Variants in RPGRIP1 observed in about 807,000 individuals in gnomAD.
RPGRIP1 encodes the protein RPGR interacting protein 1.
Under a neutral mutation model 157.9 loss-of-function variants are expected in RPGRIP1, and 128 were observed. The ratio of observed to expected loss-of-function variants is 0.81; its 90% CI spans 0.70 to 0.94. The LOEUF is 0.94. RPGRIP1 is among the 40% of genes least tolerant of loss of function. RPGRIP1 has a pLI of 0.00. For synonymous variants in RPGRIP1, 554 were observed against 571.6 expected (o/e 0.97, Z 0.44); for missense variants, 1,486 against 1,545.8 (o/e 0.96, Z 0.65).
intron 5 of RPGRIP1, chr14:21,303,043 T>C: frequency 3.4e-6 from 1 of 293,638 alleles, no homozygotes; most frequent in Non-Finnish European, 6.5e-6. Flanking sequence ...CTAATTTTTG[T>C]ATTTTTAGTG....
rs528841980 is a variant in RPGRIP1, at chr14:21,334,341, CCTTCCTTCCTGT to C, written c.3239-253_3239-242del. Among the ~76,000 whole-genome samples, 443 of 152,212 alleles carry C rather than the reference CCTTCCTTCCTGT, an allele frequency of 2.9e-3. 3 individuals carry two copies. Among genetic ancestry groups the C allele is most frequent in the African/African-American group, 8.4e-3 (349 of 41,524 alleles). On this transcript the variant is annotated intron_variant, in intron 20 of 24. Transcript: ENST00000400017. ...TCCTTTCTTCCTTCCTTACTCTCAC[CCTTCCTTCCTGT>C]CTTCCTTCCTTTCTTCCTTTCTGTT...
intron 24 of RPGRIP1, among the ~76,000 whole-genome samples, chr14:21,348,583 T>G (rs1296651132): frequency 6.6e-6 from 1 of 152,100 alleles, no homozygotes; most frequent in Non-Finnish European, 1.5e-5. Flanking sequence ...TTCAAATTTA[T>G]ACATCAGAAT....
At chr14:21,309,134 G>A (rs766633087) in intron 7 of RPGRIP1, among the ~76,000 whole-genome samples, 9 of 152,210 alleles carry the variant, frequency 5.9e-5, no homozygotes, top group East Asian at 1.9e-4. Flanking sequence ...TGCTTTAAAG[G>A]ACGAGAAAAC....
chr14:21,294,716 A>G lies in RPGRIP1; in HGVS notation c.125A>G (p.Asn42Ser). ...MKTQPPLSRM[N>S]REELEDSFFR... Reference sequence around the variant, plus strand: ...ACTCAACCACCCTTGAGCAGGATGAACCGGGAGGAATTGGAGGACAGTTTC... The same window carrying G: ...ACTCAACCACCCTTGAGCAGGATGAGCCGGGAGGAATTGGAGGACAGTTTC... Residue 42 changes from asparagine to serine, a missense_variant, in exon 3 of 25, where the codon AAC (asparagine) becomes AGC (serine). Asn to Ser is a conservative substitution (Grantham distance 46). Coordinates refer to ENST00000400017, the MANE Select transcript of RPGRIP1 (RefSeq NM_020366.4). 1 of 1,613,652 alleles carries G rather than the reference A, an allele frequency of 6.2e-7. No homozygotes were observed. The highest frequency in any genetic ancestry group is 8.5e-7 in the Non-Finnish European group (1 of 1,179,726).
intron 13 of RPGRIP1, 91 bp downstream of exon 13, chr14:21,321,493 A>C: frequency 6.6e-7 from 1 of 1,524,010 alleles, no homozygotes; most frequent in Non-Finnish European, 8.8e-7. Flanking sequence ...CTAAGTTTCC[A>C]GGGCTGATAC....
intron 2 of RPGRIP1, among the ~76,000 whole-genome samples, chr14:21,290,398 G>A (rs1880473360): frequency 6.6e-6 from 1 of 152,130 alleles, no homozygotes; most frequent in East Asian, 1.9e-4. Flanking sequence ...TCTTGGCTGG[G>A]CAAAGTGGTT....
At chr14:21,303,227 A>G in intron 5 of RPGRIP1, 104 bp from the exon 6 acceptor site, 1 of 759,084 alleles carries the variant, frequency 1.3e-6, no homozygotes, top group Non-Finnish European at 2.1e-6. Context: ...ATTTTCCTCG[A>G]CATGTACCAA....
chr14:21,280,651 C>T (rs1004382921), intron 1 of RPGRIP1, among the ~76,000 whole-genome samples: 3 of 152,154 alleles, frequency 2.0e-5, no homozygotes, highest in African/African-American at 7.2e-5. Flanking sequence ...TCACGTCCAA[C>T]CAGTTGTCAC....
At chr14:21,308,287 T>G (rs1594180575) in intron 7 of RPGRIP1, among the ~76,000 whole-genome samples, 1 of 152,208 alleles carries the variant, frequency 6.6e-6, no homozygotes, top group East Asian at 1.9e-4. Flanking sequence ...GTAAGTATAT[T>G]TAGCATTAGC....
In RPGRIP1 at chr14:21,288,107, C is replaced by T. The variant is rs1294291958; in HGVS notation, c.85+46C>T. On this transcript the variant is annotated intron_variant, in intron 2 of 24. Transcript: ENST00000400017. Reference sequence around the variant, plus strand: ...TGGACACCTTTTAGAATTAAAAGAACTCTCACTGTGGAACATCTTGCTGGC... The same window carrying T: ...TGGACACCTTTTAGAATTAAAAGAATTCTCACTGTGGAACATCTTGCTGGC... 3 of 1,226,400 alleles carry T rather than the reference C, an allele frequency of 2.4e-6. No homozygotes were observed. In the African/African-American group the frequency reaches 4.5e-5, roughly 18 times the overall value. The allele number at this position is 1,226,400 out of a possible 1,614,324, so 76.0% of individuals were successfully genotyped here. A position where few individuals can be genotyped will look rare whatever the true frequency, so the allele number is the denominator to read the frequency against.
intron 21 of RPGRIP1, among the ~76,000 whole-genome samples, chr14:21,338,831 A>G (rs1369266486): frequency 6.6e-6 from 1 of 152,222 alleles, no homozygotes; most frequent in Non-Finnish European, 1.5e-5. Flanking sequence ...TTATTGTCCC[A>G]GGATTATTAG....
chr14:21,287,917 C>A, intron 1 of RPGRIP1, 22 bp from the exon 2 acceptor site: 6 of 1,147,856 alleles, frequency 5.2e-6, no homozygotes, highest in Non-Finnish European at 7.8e-6. Flanking sequence ...ATGTAACTGA[C>A]TGGACTTTTC....
At chr14:21,340,344 C>T (rs1036066399) in intron 21 of RPGRIP1, among the ~76,000 whole-genome samples, 2 of 152,146 alleles carry the variant, frequency 1.3e-5, no homozygotes, top group African/African-American at 4.8e-5. Flanking sequence ...TTGTGCCAGG[C>T]ACTAGATACT....
rs753463994 is a variant in RPGRIP1, at chr14:21,325,845, T to C, written c.2382T>C (p.Ser794=). 7.4e-6 allele frequency: 12 copies of C among 1,612,790 alleles called. No individual in the cohort carries two copies. In the East Asian group the frequency reaches 2.7e-4, roughly 36 times the overall value. ...KAQEEEFRSE[S]WEPQNELWIE... is the part of the protein sequence containing the mutation. ...CATCTTTCCAGTTCAGATCGGAGTC[T>C]TGGGAACCTCAGAACGAGCTGTGGA... The change falls in exon 17 of 25, where the codon TCT becomes TCC. Residue 794 remains serine, a synonymous_variant. Coordinates refer to ENST00000400017, the MANE Select transcript of RPGRIP1 (RefSeq NM_020366.4).
intron 22 of RPGRIP1, among the ~76,000 whole-genome samples, chr14:21,344,673 C>T (rs1885378370): frequency 6.6e-6 from 1 of 152,078 alleles, no homozygotes; most frequent in Admixed American, 6.6e-5. Flanking sequence ...AGCCTGGGTG[C>T]AGTGGCTCAT....
At position 21,320,167 on chromosome 14, in the gene RPGRIP1, C is replaced by T. The variant is rs1882245032; in HGVS notation, c.1457C>T (p.Thr486Ile). 6.2e-7 allele frequency: 1 copy of T among 1,613,852 alleles called. No homozygotes were observed. Among genetic ancestry groups the T allele is most frequent in the Admixed American group, 1.7e-5 (1 of 59,972 alleles). Reference sequence around the variant, plus strand: ...CACCCAGCTGTATTGCAAGAGAACACTCAGATCGAGGTAAGAGCCTCTTTA... The same window carrying T: ...CACCCAGCTGTATTGCAAGAGAACATTCAGATCGAGGTAAGAGCCTCTTTA... ...ATHPAVLQEN[T>I]QIEPSEPKNQ... The change falls in exon 12 of 25, where the codon ACT (threonine) becomes ATT (isoleucine). Residue 486 changes from threonine (T) to isoleucine (I), a missense_variant. By Grantham distance (89) the Thr-to-Ile change is moderately conservative. Coordinates refer to ENST00000400017, the MANE Select transcript of RPGRIP1 (RefSeq NM_020366.4).
intron 23 of RPGRIP1, among the ~76,000 whole-genome samples, chr14:21,345,647 T>C (rs1885489328): frequency 6.6e-6 from 1 of 152,130 alleles, no homozygotes; most frequent in Non-Finnish European, 1.5e-5. Context: ...TCAAGCGATC[T>C]GCCCTCCTCG....
intron 1 of RPGRIP1, among the ~76,000 whole-genome samples, chr14:21,283,671 GAC>G (rs1180108202): frequency 6.9e-6 from 1 of 143,906 alleles, no homozygotes; most frequent in Non-Finnish European, 1.5e-5. Context: ...TTTTTTTTTA[GAC>G]AGAGTCTCAC....
rs1237276484 is a variant in RPGRIP1 at position 21,347,244 on chromosome 14, G to A, written c.3618-928G>A. Among the ~76,000 whole-genome samples the A allele has an allele frequency of 3.3e-5, 5 of 152,278 alleles. No homozygotes were observed. In the East Asian group the frequency reaches 9.6e-4, roughly 29 times the overall value. ...ACCTTGTTTTTATTCCAGACTCTTTGACTTACTAGCTCTTTGATCTTTTTG... is the reference window on the plus strand; with the variant it reads ...ACCTTGTTTTTATTCCAGACTCTTTAACTTACTAGCTCTTTGATCTTTTTG... On this transcript the variant is annotated intron_variant, in intron 23 of 24. Transcript: ENST00000400017.
Sources: allele counts gnomAD v4.1 joint callset (sites outside exome capture counted in the v4.1 genomes callset), GRCh38; gene constraint gnomAD v4.1.1; transcripts MANE v1.5; gene names NCBI Gene and HGNC (gene_info 2026-07-23, HGNC 2026-07-21).